The following GLRB variants were observed in gnomAD, a reference collection of about 807,000 sequenced individuals.
The protein encoded by GLRB is glycine receptor subunit beta.
Under a neutral mutation model 54.2 loss-of-function variants are expected in GLRB, and 33 were observed. The ratio of observed to expected loss-of-function variants is 0.61; its 90% confidence interval spans 0.46 to 0.81. GLRB has a LOEUF of 0.81. GLRB is among the 40% of genes least tolerant of loss of function. GLRB has a pLI of 0.00. For synonymous variants in GLRB, 209 were observed against 208.2 expected (o/e 1.00, Z -0.03); for missense variants, 572 against 584.6 (o/e 0.98, Z 0.22).
intron 8 of GLRB, among the ~76,000 whole-genome samples, chr4:157,152,136 T>C (rs947318620): frequency 6.6e-6 from 1 of 152,330 alleles, no homozygotes; most frequent in East Asian, 1.9e-4. Context: ...CATTGAAGGG[T>C]TACCATTACA....
intron 9 of GLRB, among the ~76,000 whole-genome samples, chr4:157,159,141 T>G (rs1238047541): frequency 6.6e-6 from 1 of 152,186 alleles, no homozygotes. Context: ...TTTTCTGTTA[T>G]TGGTGTATAG....
At chr4:157,088,620 C>T (rs1471960514) in intron 2 of GLRB, among the ~76,000 whole-genome samples, 3 of 152,090 alleles carry the variant, frequency 2.0e-5, no homozygotes, top group Non-Finnish European at 2.9e-5. Flanking sequence ...GGAATCCCCT[C>T]GGTCTTTCTT....
chr4:157,133,993 C>G (rs1048396167), intron 4 of GLRB, among the ~76,000 whole-genome samples: 2 of 151,948 alleles, frequency 1.3e-5, no homozygotes, highest in East Asian at 3.9e-4. Context: ...TGGAATTATG[C>G]TTCCAAAACA....
intron 2 of GLRB, among the ~76,000 whole-genome samples, chr4:157,091,909 G>T (rs78244056): frequency 0.046 from 7,052 of 151,992 alleles, 170 homozygotes; most frequent in African/African-American, 0.07. Flanking sequence ...TATCCTTCTA[G>T]TCCCAGCTAA....
At chr4:157,167,586 G>T (rs1461046612) in intron 9 of GLRB, among the ~76,000 whole-genome samples, 7 of 152,038 alleles carry the variant, frequency 4.6e-5, no homozygotes, top group Admixed American at 3.3e-4. Flanking sequence ...AAAATTAGAT[G>T]TATATTTGTA....
intron 6 of GLRB, 111 bp downstream of exon 6, chr4:157,136,997 A>G: frequency 1.4e-6 from 1 of 692,976 alleles, no homozygotes; most frequent in Admixed American, 2.3e-5. Context: ...CTTTGATTAT[A>G]AATAGTCATT....
intron 8 of GLRB, among the ~76,000 whole-genome samples, chr4:157,149,807 T>C (rs970504577): frequency 6.6e-6 from 1 of 152,108 alleles, no homozygotes; most frequent in Non-Finnish European, 1.5e-5. Context: ...GCAAATGCCA[T>C]ACTGTCTCTG....
At chr4:157,161,474 G>T (rs1278926963) in intron 9 of GLRB, among the ~76,000 whole-genome samples, 1 of 152,172 alleles carries the variant, frequency 6.6e-6, no homozygotes, top group East Asian at 1.9e-4. Flanking sequence ...GGTACAGGTT[G>T]TTCCTTTCCA....
intron 2 of GLRB, among the ~76,000 whole-genome samples, chr4:157,109,811 G>A (rs1735351988): frequency 6.6e-6 from 1 of 151,960 alleles, no homozygotes; most frequent in African/African-American, 2.4e-5. Flanking sequence ...CCCATTTATT[G>A]TGAAGGAATT....
At chr4:157,160,707 T>C (rs893093173) in intron 9 of GLRB, among the ~76,000 whole-genome samples, 3 of 152,112 alleles carry the variant, frequency 2.0e-5, no homozygotes, top group African/African-American at 4.8e-5. Flanking sequence ...CAGTTTGTTA[T>C]AATTTCTGTT....
At chr4:157,122,672 A>C (rs1735874914) in intron 4 of GLRB, among the ~76,000 whole-genome samples, 1 of 151,778 alleles carries the variant, frequency 6.6e-6, no homozygotes, top group South Asian at 2.1e-4. Context: ...AACCTGGAGA[A>C]AGCGCTTATG....
At chr4:157,109,504 G>T (rs1260854359) in intron 2 of GLRB, among the ~76,000 whole-genome samples, 1 of 152,094 alleles carries the variant, frequency 6.6e-6, no homozygotes, top group Non-Finnish European at 1.5e-5. Flanking sequence ...AGATGTGTGT[G>T]TGGCATTTTG....
rs376395922 is a variant in GLRB, at chr4:157,169,285, A to G, written c.1198-1147A>G. 4.1e-4 allele frequency among the ~76,000 whole-genome samples: 63 copies of G among 152,260 alleles called. No homozygotes were observed. In the East Asian group the frequency reaches 6.0e-3, roughly 14 times the overall value. On this transcript the variant is annotated intron_variant, in intron 9 of 9. Coordinates refer to ENST00000264428, the MANE Select transcript of GLRB (RefSeq NM_000824.5). ...TTCTGAAGGTGAATAGCAAAACTCA[A>G]TGGTAAGAACAGTGAGAAAATGAAG...
At chr4:157,130,381 AT>A (rs1009881536) in intron 4 of GLRB, among the ~76,000 whole-genome samples, 7 of 151,174 alleles carry the variant, frequency 4.6e-5, no homozygotes, top group African/African-American at 1.7e-4. Context: ...CATTCTTAGG[AT>A]TTTTTTCTTT....
chr4:157,103,162 A>AC (rs1491369762), intron 2 of GLRB, among the ~76,000 whole-genome samples: 9 of 151,626 alleles, frequency 5.9e-5, no homozygotes, highest in East Asian at 1.9e-4. Context: ...AAAAACAAAA[A>AC]AAAAAAAAAA....
At chr4:157,137,503 C>G (rs945218258) in intron 6 of GLRB, among the ~76,000 whole-genome samples, 5 of 150,726 alleles carry the variant, frequency 3.3e-5, no homozygotes, top group Admixed American at 6.6e-5. Flanking sequence ...AACACAAATG[C>G]AAGGAATGTT....
chr4:157,145,459 G>T (rs556454476), intron 8 of GLRB, among the ~76,000 whole-genome samples: 1 of 152,274 alleles, frequency 6.6e-6, no homozygotes, highest in Admixed American at 6.5e-5. Flanking sequence ...ACACATTCAG[G>T]AGTTAATAAT....
At chr4:157,120,440 C>T (rs954315964) in intron 2 of GLRB, 116 bp from the exon 3 acceptor site, 5 of 393,686 alleles carry the variant, frequency 1.3e-5, no homozygotes. Context: ...GAAGAAAAAG[C>T]CATACTATAG....
intron 1 of GLRB, among the ~76,000 whole-genome samples, chr4:157,077,369 G>A (rs114025841): frequency 6.6e-6 from 1 of 152,048 alleles, no homozygotes; most frequent in Admixed American, 6.5e-5. Flanking sequence ...GCTAACTTAA[G>A]AGGCACCTTT....
Sources: allele counts gnomAD v4.1 joint callset (sites outside exome capture counted in the v4.1 genomes callset), GRCh38; gene constraint gnomAD v4.1.1; transcripts MANE v1.5; gene names NCBI Gene and HGNC (gene_info 2026-07-23, HGNC 2026-07-21).